Variants in TASOR2 observed in about 807,000 individuals in gnomAD.
TASOR2 encodes protein TASOR 2.
Under a neutral mutation model 199.5 loss-of-function variants are expected in TASOR2, and 84 were observed. The observed-to-expected ratio is 0.42, with a 90% confidence interval of 0.35 to 0.50. The LOEUF (loss-of-function observed/expected upper bound fraction) is 0.50. Among genes scored for constraint, TASOR2 ranks in the 20% least tolerant of loss-of-function variants. The pLI is 0.02. For missense variants in TASOR2, 2,796 were observed against 2,835.9 expected (o/e 0.99, Z 0.32); for synonymous variants, 1,103 against 1,046.6 (o/e 1.05, Z -1.04).
rs1837986847 is a variant in TASOR2 at position 5,751,207 on chromosome 10, A to G, written c.6606+1180A>G. ...GTAAAGTTATGTTGAACTTAGTAAT[A>G]AGTTGGGAGCTAACTTGAGACTGTG... On this transcript the variant is annotated intron_variant, in intron 15 of 20. Transcript: ENST00000328090. The surrounding 1 kb of genome is among the most constrained non-coding windows in gnomAD (Gnocchi z 5.3). Among the ~76,000 whole-genome samples the G allele has an allele frequency of 6.6e-6, 1 of 152,198 alleles. No individual in the cohort carries two copies. The highest frequency in any genetic ancestry group is 6.5e-5 in the Admixed American group (1 of 15,282).
Position 5,762,620 on chromosome 10 carries a change from A to T in TASOR2, c.7263A>T (p.Ile2421=), listed in dbSNP as rs777471685. 3.4e-6 allele frequency: 5 copies of T among 1,482,890 alleles called. No homozygotes were observed. In the East Asian group the frequency reaches 1.2e-4, roughly 35 times the overall value. The allele number at this position is 1,482,890 out of a possible 1,614,324, so 91.9% of individuals were successfully genotyped here. A position where few individuals can be genotyped will look rare whatever the true frequency, so the allele number is the denominator to read the frequency against. Residue 2421 remains isoleucine (I), a synonymous_variant, in exon 20 of 21, where the codon ATA becomes ATT. Coordinates refer to ENST00000328090, the Ensembl canonical transcript of TASOR2. ...ACTTTATAGAAAACATAGAAAAAAT[A>T]GCAGCTCCATTTAGGAGTAGCTATT...
At chr10:5,762,847 T>C in intron 20 of TASOR2, 182 bp from the exon 22 acceptor site, 3 of 638,376 alleles carry the variant, frequency 4.7e-6, no homozygotes, top group Admixed American at 7.1e-5. Context: ...AGTAACCATC[T>C]ACTAAAATTA....
exon 17 of TASOR2, chr10:5,757,601 A>G: frequency 6.2e-7 from 1 of 1,613,710 alleles, no homozygotes; most frequent in Non-Finnish European, 8.5e-7. Flanking sequence ...TCTTGATCAC[A>G]CCTACCAAGA....
rs542819033 is a variant in TASOR2, at chr10:5,740,371, G to A, written c.2201G>A (p.Arg734His). ...CGTGTGAAAAAATCTTCTTGCTCTCGTATAGTGCTTAGCTGTGATGACTCC... is the reference window on the plus strand; with the variant it reads ...CGTGTGAAAAAATCTTCTTGCTCTCATATAGTGCTTAGCTGTGATGACTCC... Residue 734 changes from arginine (R) to histidine (H), a missense_variant, in exon 13 of 21, where the codon CGT (arginine) becomes CAT (histidine). Arg to His is a conservative substitution (Grantham distance 29). Transcript: ENST00000328090. The surrounding 1 kb of genome is among the most constrained non-coding windows in gnomAD (Gnocchi z 5.3). 2.1e-5 allele frequency: 34 copies of A among 1,614,188 alleles called. No homozygotes were observed. Among genetic ancestry groups the A allele is most frequent in the East Asian group, 8.9e-5 (4 of 44,882 alleles).
chr10:5,746,784 T>C (rs1415921870), exon 15 of TASOR2: 2 of 1,614,064 alleles, frequency 1.2e-6, no homozygotes, highest in African/African-American at 2.7e-5. Flanking sequence ...AGAAGGGCAC[T>C]AAGTACCTTT....
intron 11 of TASOR2, among the ~76,000 whole-genome samples, chr10:5,734,627 G>A (rs142706579): frequency 3.3e-5 from 5 of 149,294 alleles, no homozygotes; most frequent in African/African-American, 1.2e-4. Flanking sequence ...CTGTGCTGCT[G>A]TTTGTTTAAA....
Position 5,737,151 on chromosome 10 carries a change from G to A in TASOR2, c.1447+1605G>A, listed in dbSNP as rs1350721687. Among the ~76,000 whole-genome samples, 1 of 151,882 alleles carries A rather than the reference G, an allele frequency of 6.6e-6. No individual in the cohort carries two copies. The highest frequency in any genetic ancestry group is 1.5e-5 in the Non-Finnish European group (1 of 67,962). On this transcript the variant is annotated intron_variant, in intron 12 of 20. Transcript: ENST00000328090. This position sits in a 1 kb window ranked among gnomAD's most constrained non-coding sequence, Gnocchi z 4.9. ...ATTTTTGTATTTTTAGTAGAGATGGGGTTTAACCATTTTGGCCAGGATAGT... is the reference window on the plus strand; with the variant it reads ...ATTTTTGTATTTTTAGTAGAGATGGAGTTTAACCATTTTGGCCAGGATAGT...
intron 10 of TASOR2, among the ~76,000 whole-genome samples, chr10:5,727,350 T>C (rs1285979704): frequency 2.6e-5 from 4 of 152,214 alleles, no homozygotes; most frequent in African/African-American, 4.8e-5. Context: ...CACTGAGATA[T>C]CTCAAAGGTG....
At chr10:5,736,841 C>G (rs1241612326) in intron 12 of TASOR2, among the ~76,000 whole-genome samples, 3 of 152,016 alleles carry the variant, frequency 2.0e-5, no homozygotes, top group Admixed American at 1.3e-4. Flanking sequence ...ACTTCATTCT[C>G]TCCTATCTTT....
intron 16 of TASOR2, among the ~76,000 whole-genome samples, chr10:5,757,263 C>G (rs988016098): frequency 6.6e-6 from 1 of 152,202 alleles, no homozygotes; most frequent in African/African-American, 2.4e-5. Flanking sequence ...CCTCTTCCCT[C>G]ATGACGTGTT....
intron 13 of TASOR2, 116 bp from the exon 15 acceptor site, chr10:5,741,981 A>T: frequency 1.1e-6 from 1 of 925,762 alleles, no homozygotes; most frequent in South Asian, 1.6e-5. Flanking sequence ...ATATCTGTAA[A>T]TTTTAAAAAT....
At position 5,748,581 on chromosome 10, in the gene TASOR2, A is replaced by G. The variant is rs765095997; in HGVS notation, c.5160A>G (p.Thr1720=). 1.9e-6 allele frequency: 3 copies of G among 1,613,702 alleles called. No individual in the cohort carries two copies. In the Admixed American group the frequency reaches 5.0e-5, roughly 27 times the overall value. ...CTGCTGGCCCTCAGTCCAACACCAC[A>G]TCTTCTCTAAAAGGTGAACGCAAAG... Residue 1720 remains threonine, a synonymous_variant, in exon 15 of 21, where the codon ACA becomes ACG. Coordinates refer to ENST00000328090, the Ensembl canonical transcript of TASOR2. The surrounding 1 kb of genome is among the most constrained non-coding windows in gnomAD (Gnocchi z 5.1).
chr10:5,748,166 T>A lies in TASOR2; in HGVS notation c.4745T>A (p.Ile1582Asn), dbSNP rs779685920. 4 of 1,614,252 alleles carry A rather than the reference T, an allele frequency of 2.5e-6. No homozygotes were observed. In the South Asian group the frequency reaches 3.3e-5, roughly 13 times the overall value. ...CCTCCATTTGGTCCTAGAAATGTTA[T>A]TGAAAATAAGTCTTTGTCTGACACA... Residue 1582 changes from isoleucine to asparagine, a missense_variant, in exon 15 of 21, where the codon ATT (isoleucine) becomes AAT (asparagine). Physicochemically the swap from Ile to Asn is moderately radical, Grantham distance 149. Coordinates refer to ENST00000328090, the Ensembl canonical transcript of TASOR2. The surrounding 1 kb of genome is among the most constrained non-coding windows in gnomAD (Gnocchi z 5.1).
chr10:5,748,815 G>A lies in TASOR2; in HGVS notation c.5394G>A (p.Gly1798=), dbSNP rs949544386. Residue 1798 remains glycine, a synonymous_variant, in exon 15 of 21, where the codon GGG becomes GGA. Coordinates refer to ENST00000328090, the Ensembl canonical transcript of TASOR2. This position sits in a 1 kb window ranked among gnomAD's most constrained non-coding sequence, Gnocchi z 5.1. ...AGCACGTAGAAATTGAGAACAGTGG[G>A]GAGGGGCTCAGGGCTGAGGCTGGTT... 1.9e-6 allele frequency: 3 copies of A among 1,614,164 alleles called. No homozygotes were observed. Among genetic ancestry groups the A allele is most frequent in the Middle Eastern group, 1.6e-4 (1 of 6,062 alleles).
At chr10:5,731,269 C>G in intron 11 of TASOR2, 66 bp downstream of exon 12, 1 of 1,464,352 alleles carries the variant, frequency 6.8e-7, no homozygotes, top group Non-Finnish European at 9.2e-7. Context: ...GTGGCTCATG[C>G]CTGTAATCCC....
intron 8 of TASOR2, among the ~76,000 whole-genome samples, chr10:5,725,065 A>C (rs1296152305): frequency 6.6e-6 from 1 of 152,140 alleles, no homozygotes; most frequent in African/African-American, 2.4e-5. Context: ...CTATTGCCCC[A>C]GAGGGTGGGT....
At chr10:5,762,436 A>C (rs1452383129) in intron 19 of TASOR2, 96 bp from the exon 21 acceptor site, 6 of 372,160 alleles carry the variant, frequency 1.6e-5, no homozygotes, top group East Asian at 4.4e-5. Context: ...CACACGAGGA[A>C]GTTCCACAGA....
intron 1 of TASOR2, among the ~76,000 whole-genome samples, chr10:5,693,907 C>T (rs1836803524): frequency 6.6e-6 from 1 of 152,160 alleles, no homozygotes; most frequent in Non-Finnish European, 1.5e-5. Flanking sequence ...CCTCTATAAA[C>T]CTTACATTCT....
rs2131630851 is a variant in TASOR2, at chr10:5,748,782, A to G, written c.5361A>G (p.Ile1787Met). 1 of 1,614,154 alleles carries G rather than the reference A, an allele frequency of 6.2e-7. No homozygotes were observed. The highest frequency in any genetic ancestry group is 8.5e-7 in the Non-Finnish European group (1 of 1,180,024). The change falls in exon 15 of 21, where the codon ATA (isoleucine) becomes ATG (methionine). Residue 1787 changes from isoleucine (I) to methionine (M), a missense_variant. Ile to Met is a conservative substitution (Grantham distance 10, BLOSUM62 1). Coordinates refer to ENST00000328090, the Ensembl canonical transcript of TASOR2. The surrounding 1 kb of genome is among the most constrained non-coding windows in gnomAD (Gnocchi z 5.1). ...CCTTTGATACTTCTGTTTGTGGAATAGCCACAGAGCACGTAGAAATTGAGA... is the reference window on the plus strand; with the variant it reads ...CCTTTGATACTTCTGTTTGTGGAATGGCCACAGAGCACGTAGAAATTGAGA...
Sources: gnomAD v4.1 joint callset for allele counts (sites outside exome capture counted in the v4.1 genomes callset) on GRCh38, gnomAD v4.1.1 for gene constraint, Gnocchi (gnomAD v3.1) non-coding constraint, MANE v1.5 for transcripts, NCBI Gene and HGNC (gene_info 2026-07-23, HGNC 2026-07-21) for gene names.